Variants in NLGN1 observed in about 807,000 individuals in gnomAD.
The protein encoded by NLGN1 is neuroligin-1.
Under a neutral mutation model 65.5 loss-of-function variants are expected in NLGN1, and 12 were observed. The observed-to-expected ratio is 0.18, with a 90% CI of 0.12 to 0.30. The LOEUF is 0.30. NLGN1 is among the 10% of genes least tolerant of loss of function. The pLI is 1.00. For missense variants in NLGN1, 750 were observed against 1,007.1 expected (o/e 0.74, Z 3.46); for synonymous variants, 350 against 359.5 (o/e 0.97, Z 0.30).
At chr3:173,397,993 C>T (rs1425369306), upstream of NLGN1, 1 of 152,276 alleles carries the variant, frequency 6.6e-6, no homozygotes, top group African/African-American at 2.4e-5. Flanking sequence ...GCGCCCCAGT[C>T]ACTGCAGCTC....
At chr3:174,260,439 C>G (rs1248546337) in intron 4 of NLGN1, among the ~76,000 whole-genome samples, 1 of 150,982 alleles carries the variant, frequency 6.6e-6, no homozygotes, top group Non-Finnish European at 1.5e-5. Flanking sequence ...TGGCCAGTGA[C>G]GATGAGCATT....
chr3:173,882,839 A>T (rs894916994), intron 4 of NLGN1, among the ~76,000 whole-genome samples: 2 of 152,140 alleles, frequency 1.3e-5, no homozygotes, highest in African/African-American at 2.4e-5. Flanking sequence ...AGTGCAAGAG[A>T]TCTAACTTTC....
At chr3:173,967,011 G>A (rs916140136) in intron 4 of NLGN1, among the ~76,000 whole-genome samples, 1 of 152,152 alleles carries the variant, frequency 6.6e-6, no homozygotes, top group Non-Finnish European at 1.5e-5. Context: ...CACCAACTTT[G>A]CCTGTGAGTC....
intron 3 of NLGN1, among the ~76,000 whole-genome samples, chr3:173,624,179 T>C (rs1450293036): frequency 6.6e-6 from 1 of 152,130 alleles, no homozygotes; most frequent in Non-Finnish European, 1.5e-5. Flanking sequence ...CAGTTTTCAC[T>C]TGTGTGAGAT....
intron 4 of NLGN1, among the ~76,000 whole-genome samples, chr3:174,205,599 G>A (rs920612306): frequency 2.6e-5 from 4 of 152,044 alleles, no homozygotes; most frequent in Non-Finnish European, 4.4e-5. Flanking sequence ...TTTAAATTGC[G>A]TTAATATAGA....
chr3:173,539,544 TA>T (rs1560405144), intron 2 of NLGN1, among the ~76,000 whole-genome samples: 1 of 142,754 alleles, frequency 7.0e-6, no homozygotes, highest in Admixed American at 7.1e-5. Context: ...TATGTATATA[TA>T]AAATATATAC....
At position 174,126,883 on chromosome 3, in the gene NLGN1, G is replaced by A. The variant is rs142021171; in HGVS notation, c.647-148432G>A. 6.2e-3 allele frequency among the ~76,000 whole-genome samples: 947 copies of A among 152,166 alleles called. 26 individuals carry two copies. Among genetic ancestry groups the A allele is most frequent in the East Asian group, 0.039 (203 of 5,176 alleles). On this transcript the variant is annotated intron_variant, in intron 4 of 6. Transcript: ENST00000457714. ...AAGAGGAGATTTCTTGGCTCCCAAAGACATTAGAAGCTTTTTTTCTGAACT... is the reference window on the plus strand; with the variant it reads ...AAGAGGAGATTTCTTGGCTCCCAAAAACATTAGAAGCTTTTTTTCTGAACT...
chr3:173,559,706 G>A (rs1423133918), intron 2 of NLGN1, among the ~76,000 whole-genome samples: 2 of 152,080 alleles, frequency 1.3e-5, no homozygotes, highest in African/African-American at 2.4e-5. Flanking sequence ...GAGATATAAC[G>A]AAAGAGAATT....
intron 4 of NLGN1, among the ~76,000 whole-genome samples, chr3:173,823,715 C>T (rs894281512): frequency 2.6e-5 from 4 of 152,036 alleles, no homozygotes; most frequent in East Asian, 1.9e-4. Flanking sequence ...GGTCAGACAA[C>T]ACACAGTTCT....
intron 4 of NLGN1, among the ~76,000 whole-genome samples, chr3:174,126,743 A>C (rs916045436): frequency 6.6e-6 from 1 of 152,116 alleles, no homozygotes; most frequent in Non-Finnish European, 1.5e-5. Context: ...CAACTACTGG[A>C]GGACAACTTC....
intron 4 of NLGN1, among the ~76,000 whole-genome samples, chr3:174,261,279 A>G (rs1306988726): frequency 1.3e-5 from 2 of 149,780 alleles, no homozygotes; most frequent in African/African-American, 4.9e-5. Flanking sequence ...CTTGGGCAGT[A>G]TGGCCATTTT....
intron 4 of NLGN1, among the ~76,000 whole-genome samples, chr3:174,274,789 A>G (rs1750203197): frequency 6.6e-6 from 1 of 151,760 alleles, no homozygotes; most frequent in African/African-American, 2.4e-5. Context: ...ATATATGCAG[A>G]GTTCTATATA....
At chr3:173,423,212 G>A (rs1408223502) in intron 1 of NLGN1, among the ~76,000 whole-genome samples, 1 of 152,098 alleles carries the variant, frequency 6.6e-6, no homozygotes, top group East Asian at 1.9e-4. Context: ...CTCCCAGCAG[G>A]CCCTTCCCTC....
At chr3:173,954,390 T>C (rs781467844) in intron 4 of NLGN1, among the ~76,000 whole-genome samples, 15 of 151,846 alleles carry the variant, frequency 9.9e-5, no homozygotes, top group Non-Finnish European at 1.6e-4. Context: ...TTATTATTAT[T>C]ATCATTATCA....
At chr3:173,534,269 G>C (rs1463531660) in intron 2 of NLGN1, among the ~76,000 whole-genome samples, 1 of 152,034 alleles carries the variant, frequency 6.6e-6, no homozygotes, top group Non-Finnish European at 1.5e-5. Context: ...TTGCAAATAA[G>C]TGTCCTCATT....
At chr3:173,967,645 C>T (rs984935733) in intron 4 of NLGN1, among the ~76,000 whole-genome samples, 1 of 151,950 alleles carries the variant, frequency 6.6e-6, no homozygotes, top group South Asian at 2.1e-4. Context: ...ATAATTTTTA[C>T]TTCTTATTTT....
intron 2 of NLGN1, among the ~76,000 whole-genome samples, chr3:173,567,518 C>T (rs1199796860): frequency 6.6e-6 from 1 of 151,670 alleles, no homozygotes; most frequent in Non-Finnish European, 1.5e-5. Context: ...AATTCAAATG[C>T]ATATATTTTT....
intron 2 of NLGN1, among the ~76,000 whole-genome samples, chr3:173,530,547 G>A (rs562368644): frequency 6.6e-6 from 1 of 152,152 alleles, no homozygotes; most frequent in Non-Finnish European, 1.5e-5. Context: ...ATTACTTACA[G>A]ATATTTAACC....
intron 4 of NLGN1, among the ~76,000 whole-genome samples, chr3:173,932,121 T>C (rs1744205646): frequency 6.6e-6 from 1 of 152,206 alleles, no homozygotes; most frequent in Non-Finnish European, 1.5e-5. Flanking sequence ...GTTTTCTTCT[T>C]TCAATGCATT....
Sources: gnomAD v4.1 joint callset for allele counts (sites outside exome capture counted in the v4.1 genomes callset) on GRCh38, gnomAD v4.1.1 for gene constraint, MANE v1.5 for transcripts, NCBI Gene and HGNC (gene_info 2026-07-23, HGNC 2026-07-21) for gene names.